The following KCNIP4 variants were observed in gnomAD, a reference collection of about 807,000 sequenced individuals.
KCNIP4 encodes the protein potassium voltage-gated channel interacting protein 4, also known as Kv channel-interacting protein 4.
KCNIP4 carries 12 observed loss-of-function variants against 34.0 expected under a neutral mutation model. The ratio of observed to expected loss-of-function variants is 0.35; its 90% CI spans 0.23 to 0.57. KCNIP4 has a LOEUF of 0.57. KCNIP4 is among the 20% of genes least tolerant of loss of function. The pLI is 0.83. For missense variants in KCNIP4, 238 were observed against 311.7 expected, an observed-to-expected ratio of 0.76 and a Z score of 1.78; for synonymous variants, 124 against 102.2, an observed-to-expected ratio of 1.21 and a Z score of -1.29.
At chr4:20,793,110 C>T (rs149185691) in intron 3 of KCNIP4, among the ~76,000 whole-genome samples, 185 of 152,228 alleles carry the variant, frequency 1.2e-3, no homozygotes, top group African/African-American at 4.2e-3. Context: ...ATACAAAAAC[C>T]TGTACATGAA....
At chr4:21,692,065 G>A (rs1433523476) in intron 1 of KCNIP4, among the ~76,000 whole-genome samples, 1 of 152,070 alleles carries the variant, frequency 6.6e-6, no homozygotes, top group Non-Finnish European at 1.5e-5. Context: ...GATTAATTTA[G>A]CCAACCAGTC....
chr4:20,910,077 C>CA (rs1728184346), intron 1 of KCNIP4, among the ~76,000 whole-genome samples: 1 of 152,182 alleles, frequency 6.6e-6, no homozygotes, highest in Admixed American at 6.5e-5. Flanking sequence ...TTAATAGATA[C>CA]ATTTTTCTTA....
intron 1 of KCNIP4, among the ~76,000 whole-genome samples, chr4:21,775,215 C>G (rs915109377): frequency 2.6e-5 from 4 of 152,110 alleles, no homozygotes; most frequent in African/African-American, 9.7e-5. Context: ...AGTCAGGTCC[C>G]TCTTCCGTAG....
chr4:21,378,059 A>G (rs1268224078), intron 1 of KCNIP4, among the ~76,000 whole-genome samples: 3 of 152,038 alleles, frequency 2.0e-5, no homozygotes, highest in South Asian at 2.1e-4. Flanking sequence ...ACTTCACTCC[A>G]GGTATTTCCC....
intron 3 of KCNIP4, among the ~76,000 whole-genome samples, chr4:20,792,296 C>A (rs1368293069): frequency 6.6e-6 from 1 of 152,066 alleles, no homozygotes; most frequent in Non-Finnish European, 1.5e-5. Context: ...ATTGCTTGAA[C>A]CCGGGGGCAG....
intron 1 of KCNIP4, among the ~76,000 whole-genome samples, chr4:20,926,127 G>A (rs950204168): frequency 1.3e-5 from 2 of 152,130 alleles, no homozygotes; most frequent in African/African-American, 4.8e-5. Context: ...CAAATAAAGT[G>A]AATCCTCCTG....
At chr4:21,501,737 A>G (rs894022818) in intron 1 of KCNIP4, among the ~76,000 whole-genome samples, 1 of 85,740 alleles carries the variant, frequency 1.2e-5, no homozygotes, top group Non-Finnish European at 2.5e-5. Flanking sequence ...GGCAGTTTAT[A>G]TGTAATACCA....
chr4:20,788,979 C>T (rs1225540639), intron 3 of KCNIP4, among the ~76,000 whole-genome samples: 3 of 152,100 alleles, frequency 2.0e-5, no homozygotes, highest in South Asian at 2.1e-4. Flanking sequence ...TGCATTCAGT[C>T]CTTCTCAAAG....
At chr4:20,991,456 GAA>G (rs1202124042) in intron 1 of KCNIP4, among the ~76,000 whole-genome samples, 1 of 152,086 alleles carries the variant, frequency 6.6e-6, no homozygotes, top group Non-Finnish European at 1.5e-5. Flanking sequence ...CGAGAAATGA[GAA>G]AGAGAAGAAA....
intron 1 of KCNIP4, among the ~76,000 whole-genome samples, chr4:21,074,066 A>G (rs1263146331): frequency 6.6e-6 from 1 of 152,146 alleles, no homozygotes; most frequent in African/African-American, 2.4e-5. Context: ...TTTTTGCATC[A>G]GTGTTCATCA....
intron 1 of KCNIP4, among the ~76,000 whole-genome samples, chr4:21,376,077 G>A (rs1720937058): frequency 6.6e-6 from 1 of 152,128 alleles, no homozygotes; most frequent in Non-Finnish European, 1.5e-5. Context: ...AGTTTGGGAG[G>A]AAATGTTTGT....
chr4:21,171,707 A>G (rs1383242911), intron 1 of KCNIP4, among the ~76,000 whole-genome samples: 2 of 152,044 alleles, frequency 1.3e-5, no homozygotes, highest in Non-Finnish European at 2.9e-5. Flanking sequence ...GTGATCCTTT[A>G]TTTGTAGAAT....
Position 21,604,203 on chromosome 4 carries a change from G to A in KCNIP4, c.61+344368C>T, listed in dbSNP as rs1435133934. On this transcript the variant is annotated intron_variant, in intron 1 of 8. Coordinates refer to ENST00000382152, the MANE Select transcript of KCNIP4 (RefSeq NM_025221.6). ...TGCTAATGAAATGGTAGTATCTATT[G>A]TTGCAATGCAGATGTGGAGTCATTT... Among the ~76,000 whole-genome samples the A allele has an allele frequency of 2.0e-5, 3 of 152,076 alleles. No homozygotes were observed. In the East Asian group the frequency reaches 5.8e-4, roughly 29 times the overall value.
chr4:21,802,053 T>G (rs548437965), intron 1 of KCNIP4, among the ~76,000 whole-genome samples: 1 of 151,672 alleles, frequency 6.6e-6, no homozygotes, highest in South Asian at 2.1e-4. Flanking sequence ...AAAGAATGTT[T>G]AATGAGAATG....
At chr4:21,024,663 A>G (rs768232386) in intron 1 of KCNIP4, among the ~76,000 whole-genome samples, 4 of 152,216 alleles carry the variant, frequency 2.6e-5, no homozygotes, top group Non-Finnish European at 4.4e-5. Flanking sequence ...CTAATTTGCT[A>G]TACTTAGGCT....
chr4:20,788,079 T>C (rs1356345071), intron 3 of KCNIP4, among the ~76,000 whole-genome samples: 1 of 152,150 alleles, frequency 6.6e-6, no homozygotes, highest in Non-Finnish European at 1.5e-5. Flanking sequence ...CTTGTATGTA[T>C]TGCTCACTAG....
chr4:20,733,252 G>A (rs1310323118), intron 6 of KCNIP4, among the ~76,000 whole-genome samples: 2 of 152,116 alleles, frequency 1.3e-5, no homozygotes, highest in East Asian at 3.9e-4. Flanking sequence ...TAGGGTTTTT[G>A]TTGTATTTTT....
chr4:21,165,784 G>A (rs1287536066), intron 1 of KCNIP4, among the ~76,000 whole-genome samples: 2 of 152,294 alleles, frequency 1.3e-5, no homozygotes, highest in African/African-American at 4.8e-5. Context: ...TGGATTGAAT[G>A]TTTGTGTCCT....
At chr4:21,913,972 G>C (rs1728487716) in intron 1 of KCNIP4, among the ~76,000 whole-genome samples, 1 of 152,066 alleles carries the variant, frequency 6.6e-6, no homozygotes, top group Non-Finnish European at 1.5e-5. Context: ...AAGATTTCAG[G>C]AACCACACCC....
Sources: gnomAD v4.1 joint callset for allele counts (sites outside exome capture counted in the v4.1 genomes callset) on GRCh38, gnomAD v4.1.1 for gene constraint, MANE v1.5 for transcripts, NCBI Gene and HGNC (gene_info 2026-07-23, HGNC 2026-07-21) for gene names.